ESRRG: variants seen among roughly 807,000 people sequenced by gnomAD.
The protein encoded by ESRRG is estrogen-related receptor gamma.
A neutral mutation model predicts 44.0 loss-of-function variants in ESRRG; 13 were observed. That is an observed-to-expected ratio of 0.30 (90% CI 0.19 to 0.47). ESRRG has a LOEUF of 0.47. Ranked by LOEUF, ESRRG falls within the 20% of genes least tolerant of loss-of-function variation. The probability of loss-of-function intolerance (pLI) is 1.00; values close to 1 mark genes in which losing one functional copy is unlikely to be tolerated. For synonymous variants in ESRRG, 215 were observed against 214.6 expected (o/e 1.00, Z -0.02); for missense variants, 395 against 580.6 (o/e 0.68, Z 3.29).
chr1:216,854,675 A>G (rs2095897410), intron 2 of ESRRG, among the ~76,000 whole-genome samples: 1 of 152,162 alleles, frequency 6.6e-6, no homozygotes, highest in Admixed American at 6.5e-5. Context: ...ATGGCTATAC[A>G]ATAGTCTTGG....
At chr1:216,903,676 GAAA>G (rs556336168) in intron 2 of ESRRG, among the ~76,000 whole-genome samples, 2 of 147,308 alleles carry the variant, frequency 1.4e-5, no homozygotes, top group Non-Finnish European at 3.0e-5. Context: ...ATGCAGAAGA[GAAA>G]AAAAAAACAC....
intron 1 of ESRRG, among the ~76,000 whole-genome samples, chr1:216,956,944 G>C (rs1419923964): frequency 6.6e-6 from 1 of 152,154 alleles, no homozygotes; most frequent in African/African-American, 2.4e-5. Context: ...TTAATATTCT[G>C]CAAGTCTTGA....
At chr1:216,888,642 G>C (rs1340772656) in intron 2 of ESRRG, among the ~76,000 whole-genome samples, 1 of 152,080 alleles carries the variant, frequency 6.6e-6, no homozygotes, top group African/African-American at 2.4e-5. Context: ...TGCTTCTACA[G>C]AATCACAGAA....
At chr1:216,834,844 C>T (rs773503930) in intron 2 of ESRRG, among the ~76,000 whole-genome samples, 13 of 152,014 alleles carry the variant, frequency 8.6e-5, no homozygotes, top group Non-Finnish European at 1.3e-4. Flanking sequence ...AAGAAAGTGT[C>T]GATAAGGAAA....
chr1:217,134,700 C>T (rs1407060696), intron 1 of ESRRG, among the ~76,000 whole-genome samples: 1 of 152,236 alleles, frequency 6.6e-6, no homozygotes, highest in Non-Finnish European at 1.5e-5. Context: ...CAGCTCTTCC[C>T]CGCGTGTTTG....
At chr1:216,849,293 AG>A (rs908403936) in intron 2 of ESRRG, among the ~76,000 whole-genome samples, 8 of 152,100 alleles carry the variant, frequency 5.3e-5, no homozygotes, top group African/African-American at 1.9e-4. Flanking sequence ...TTTCGTTCTT[AG>A]TACTTATCTT....
Position 216,503,960 on chromosome 1 carries a change from G to T in ESRRG, c.*2979C>A, listed in dbSNP as rs1294988569. On this transcript the variant is annotated 3_prime_UTR_variant, in exon 7 of 7. Coordinates refer to ENST00000408911, the MANE Select transcript of ESRRG (RefSeq NM_001438.4). ...CTTGAGAAGACTTCCCTCTAGTGAG[G>T]TTTAAGATGAGCATTTACCCTAAAG... 8 of 152,484 alleles carry T rather than the reference G, an allele frequency of 5.2e-5. No homozygotes were observed. Among genetic ancestry groups the T allele is most frequent in the Admixed American group, 2.0e-4 (3 of 15,272 alleles). 9.4% of individuals were successfully genotyped at this position (152,484 alleles called of 1,614,324 possible).
chr1:217,032,746 A>C (rs897845089), intron 1 of ESRRG, among the ~76,000 whole-genome samples: 6 of 152,210 alleles, frequency 3.9e-5, no homozygotes, highest in Admixed American at 1.3e-4. Flanking sequence ...AACTTCAAGA[A>C]TGGAATTCTC....
intron 5 of ESRRG, among the ~76,000 whole-genome samples, chr1:216,541,645 G>T (rs1037289322): frequency 3.3e-5 from 5 of 149,346 alleles, no homozygotes; most frequent in African/African-American, 1.2e-4. Context: ...AAGAGCTTAA[G>T]ATGAGGGACA....
At chr1:216,676,582 C>T (rs2076149204) in intron 2 of ESRRG, among the ~76,000 whole-genome samples, 1 of 152,072 alleles carries the variant, frequency 6.6e-6, no homozygotes, top group Non-Finnish European at 1.5e-5. Context: ...CTCAGGCAGG[C>T]CCCCACCCCA....
chr1:216,749,824 A>T (rs936912003), intron 2 of ESRRG, among the ~76,000 whole-genome samples: 1 of 152,200 alleles, frequency 6.6e-6, no homozygotes, highest in African/African-American at 2.4e-5. Flanking sequence ...TAATTGGCAA[A>T]TAGAGGTTTA....
intron 1 of ESRRG, among the ~76,000 whole-genome samples, chr1:217,120,703 T>C (rs1458979116): frequency 6.6e-6 from 1 of 152,186 alleles, no homozygotes; most frequent in Non-Finnish European, 1.5e-5. Context: ...TTTGAACCAC[T>C]GTTCCCTCTG....
chr1:216,622,115 C>T (rs2062349666), intron 3 of ESRRG, among the ~76,000 whole-genome samples: 1 of 152,178 alleles, frequency 6.6e-6, no homozygotes, highest in Non-Finnish European at 1.5e-5. Flanking sequence ...ATCCTTAGCT[C>T]CAAATTCTGC....
At position 217,099,932 on chromosome 1, in the gene ESRRG, G is replaced by A. The variant is rs150125589; in HGVS notation, c.-230+37735C>T. ...AGAATAACAATGAAGTGGAGAATCC[G>A]TAGTAATAATGTTGGATGAATGCTC... On this transcript the variant is annotated intron_variant, in intron 1 of 8. Coordinates refer to the ESRRG transcript ENST00000366940. Among the ~76,000 whole-genome samples the A allele has an allele frequency of 3.4e-3, 515 of 151,810 alleles. 3 individuals are homozygous for A. Among genetic ancestry groups the A allele is most frequent in the Middle Eastern group, 0.01 (3 of 294 alleles).
At chr1:216,810,783 A>G (rs2094945967) in intron 2 of ESRRG, among the ~76,000 whole-genome samples, 1 of 148,280 alleles carries the variant, frequency 6.7e-6, no homozygotes, top group African/African-American at 2.5e-5. Flanking sequence ...ATATACATGT[A>G]TATTTAACTA....
chr1:216,671,186 T>C (rs1310355773), intron 2 of ESRRG, among the ~76,000 whole-genome samples: 1 of 152,184 alleles, frequency 6.6e-6, no homozygotes, highest in Non-Finnish European at 1.5e-5. Flanking sequence ...AATTTTATGT[T>C]TTATGCAAGT....
intron 1 of ESRRG, among the ~76,000 whole-genome samples, chr1:217,007,520 C>T (rs1031051094): frequency 6.6e-6 from 1 of 152,098 alleles, no homozygotes; most frequent in Non-Finnish European, 1.5e-5. Flanking sequence ...ATACTTGCAA[C>T]GATTATTGTC....
intron 2 of ESRRG, among the ~76,000 whole-genome samples, chr1:216,918,397 TA>T (rs2061438889): frequency 6.6e-6 from 1 of 152,186 alleles, no homozygotes; most frequent in African/African-American, 2.4e-5. Context: ...CTCAACTCTA[TA>T]AACTGGTGTG....
In ESRRG at chr1:216,759,121, C is replaced by T. The variant is rs576892119; in HGVS notation, c.-13-81630G>A. ...CCAATTTGAAAATCCATGTCTATAACGATCATATATTCTGCAGTTCCTGGG... is the reference window on the plus strand; with the variant it reads ...CCAATTTGAAAATCCATGTCTATAATGATCATATATTCTGCAGTTCCTGGG... On this transcript the variant is annotated intron_variant, in intron 2 of 7. Transcript: ENST00000359162. 4.6e-5 allele frequency among the ~76,000 whole-genome samples: 7 copies of T among 152,154 alleles called. 1 individual carries two copies. The highest frequency in any genetic ancestry group is 2.1e-4 in the South Asian group (1 of 4,820).
Sources: gnomAD v4.1 joint callset for allele counts (sites outside exome capture counted in the v4.1 genomes callset) on GRCh38, gnomAD v4.1.1 for gene constraint, MANE v1.5 for transcripts, NCBI Gene and HGNC (gene_info 2026-07-23, HGNC 2026-07-21) for gene names.